The following CSMD2 variants were observed in gnomAD, a reference collection of about 807,000 sequenced individuals.
CSMD2 encodes CUB and Sushi multiple domains 2, also known as CUB and sushi domain-containing protein 2.
In CSMD2, 130 loss-of-function variants were observed where a neutral mutation model predicts 398.5. The observed-to-expected ratio is 0.33, with a 90% CI of 0.28 to 0.38. The LOEUF is 0.38. CSMD2 is among the 10% of genes least tolerant of loss of function. The pLI is 1.00. For synonymous variants in CSMD2, 1,828 were observed against 1,908.5 expected, an observed-to-expected ratio of 0.96 and a Z score of 1.10; for missense variants, 3,829 against 4,764.9, an observed-to-expected ratio of 0.80 and a Z score of 5.78.
intron 21 of CSMD2, among the ~76,000 whole-genome samples, chr1:33,712,873 T>G (rs754985318): frequency 1.3e-5 from 2 of 152,224 alleles, no homozygotes; most frequent in African/African-American, 2.4e-5. Flanking sequence ...GGGATGGTTA[T>G]AGGAGACGGA....
chr1:33,747,014 T>C (rs1404540305), intron 13 of CSMD2, among the ~76,000 whole-genome samples: 1 of 152,180 alleles, frequency 6.6e-6, no homozygotes, highest in Non-Finnish European at 1.5e-5. Context: ...GAAAAGGGTA[T>C]GAATGAGCCA....
At chr1:33,891,235 G>A (rs1251636955) in intron 5 of CSMD2, among the ~76,000 whole-genome samples, 42 of 151,018 alleles carry the variant, frequency 2.8e-4, no homozygotes, top group South Asian at 1.7e-3. Flanking sequence ...AAAAGTGGGC[G>A]AAGGACATGA....
chr1:34,037,039 C>A (rs527992670), intron 2 of CSMD2, among the ~76,000 whole-genome samples: 2 of 152,302 alleles, frequency 1.3e-5, no homozygotes, highest in South Asian at 4.1e-4. Context: ...TTGCAGAGAT[C>A]TACCTGCCTT....
chr1:33,941,680 T>C (rs1242397617), intron 3 of CSMD2, among the ~76,000 whole-genome samples: 1 of 152,176 alleles, frequency 6.6e-6, no homozygotes, highest in Admixed American at 6.5e-5. Flanking sequence ...TCCCTTATTT[T>C]TAGCGGTTTG....
chr1:33,617,013 C>T (rs374883564), intron 38 of CSMD2, 38 bp from the exon 39 acceptor site: 11 of 1,549,054 alleles, frequency 7.1e-6, no homozygotes, highest in African/African-American at 4.1e-5. Context: ...TAGCTGTCCC[C>T]GTGGGCACAA....
chr1:33,847,815 A>G (rs1390369228), intron 5 of CSMD2, among the ~76,000 whole-genome samples: 1 of 152,158 alleles, frequency 6.6e-6, no homozygotes, highest in Non-Finnish European at 1.5e-5. Context: ...TATCTAAAAC[A>G]TGGGGATCAT....
At chr1:33,989,403 T>C (rs888260656) in intron 3 of CSMD2, among the ~76,000 whole-genome samples, 9 of 152,134 alleles carry the variant, frequency 5.9e-5, no homozygotes, top group African/African-American at 1.9e-4. Context: ...ATAACTACTT[T>C]GGAAAACAGT....
chr1:33,533,195 A>T lies in CSMD2; in HGVS notation c.10026T>A (p.His3342Gln). 6.2e-7 allele frequency: 1 copy of T among 1,614,040 alleles called. No homozygotes were observed. The part of the protein sequence containing the change: ...HHCRQPETPT[H>Q]ANVGALDLPS... ...GCAAATCCAGGGCCCCGACGTTGGC[A>T]TGCGTTGGCGTCTCTGGCTGCCTGC... The change falls in exon 64 of 71, where the codon CAT becomes CAA. Residue 3342 changes from histidine (H) to glutamine (Q), a missense_variant. Around this residue, in one of 5 missense-constraint regions of CSMD2, gnomAD observed 917 missense variants for 1,199.5 expected, o/e 0.76. Coordinates refer to ENST00000373381, the MANE Select transcript of CSMD2 (RefSeq NM_001281956.2). The surrounding 1 kb of genome is among the most constrained non-coding windows in gnomAD (Gnocchi z 4.2).
At chr1:33,627,377 A>C (rs1217536053) in intron 32 of CSMD2, among the ~76,000 whole-genome samples, 2 of 152,176 alleles carry the variant, frequency 1.3e-5, no homozygotes, top group African/African-American at 4.8e-5. Context: ...TGTAGTTGCC[A>C]TTCTGGGGAA....
chr1:34,088,427 A>G (rs1658167289), intron 2 of CSMD2, among the ~76,000 whole-genome samples: 1 of 152,098 alleles, frequency 6.6e-6, no homozygotes, highest in Admixed American at 6.5e-5. Flanking sequence ...TCCCCTTGGG[A>G]GTCAGCTCAG....
intron 5 of CSMD2, among the ~76,000 whole-genome samples, chr1:33,906,675 T>C (rs1186812687): frequency 3.9e-5 from 6 of 152,038 alleles, no homozygotes; most frequent in East Asian, 1.9e-4. Flanking sequence ...ATGAGCAAAA[T>C]TGAGACAAGT....
At chr1:33,861,150 TTAAG>T (rs1003456753) in intron 5 of CSMD2, 4 of 152,172 alleles carry the variant, frequency 2.6e-5, no homozygotes, top group African/African-American at 9.7e-5. Flanking sequence ...TATATAAATA[TTAAG>T]TATGTATGTA....
intron 5 of CSMD2, among the ~76,000 whole-genome samples, chr1:33,882,822 A>ATTCTTCCTTCTTTCCTTCCC (rs1342587795): frequency 1.3e-5 from 2 of 151,952 alleles, no homozygotes; most frequent in Non-Finnish European, 2.9e-5. Context: ...TCTTCCTTCC[A>ATTCTTCCTTCTTTCCTTCCC]TTCTTCCTTC....
chr1:33,521,975 A>G (rs1319262132), intron 67 of CSMD2, among the ~76,000 whole-genome samples: 1 of 152,226 alleles, frequency 6.6e-6, no homozygotes, highest in Non-Finnish European at 1.5e-5. Context: ...TTGGAGCATT[A>G]TGGAACACAC....
At chr1:33,706,744 T>C (rs1177772179) in intron 22 of CSMD2, among the ~76,000 whole-genome samples, 7 of 152,104 alleles carry the variant, frequency 4.6e-5, no homozygotes, top group Non-Finnish European at 1.0e-4. Flanking sequence ...AGCAGGAGCA[T>C]TTCCTACCCT....
rs542263418 is a variant in CSMD2, at chr1:33,829,966, G to A, written c.1034-4192C>T. ...CAGCAAGGCGGGGGGAGGGGCGCCCGCCATTGCCCAGGCTTCAGTAGGTAA... is the reference window on the plus strand; with the variant it reads ...CAGCAAGGCGGGGGGAGGGGCGCCCACCATTGCCCAGGCTTCAGTAGGTAA... On this transcript the variant is annotated intron_variant, in intron 6 of 70. Coordinates refer to ENST00000373381, the MANE Select transcript of CSMD2 (RefSeq NM_001281956.2). Among the ~76,000 whole-genome samples the A allele has an allele frequency of 1.1e-4, 17 of 152,330 alleles. No individual in the cohort carries two copies. In the East Asian group the frequency reaches 3.1e-3, roughly 28 times the overall value.
At chr1:34,045,038 T>TACACACACACACAC (rs10588687) in intron 2 of CSMD2, among the ~76,000 whole-genome samples, 2 of 142,718 alleles carry the variant, frequency 1.4e-5, no homozygotes, top group African/African-American at 2.6e-5. Context: ...TCACACACCA[T>TACACACACACACAC]ACACACACAC....
At chr1:33,812,505 A>G (rs888247877) in intron 9 of CSMD2, among the ~76,000 whole-genome samples, 3 of 152,230 alleles carry the variant, frequency 2.0e-5, no homozygotes, top group African/African-American at 7.2e-5. Flanking sequence ...TTCTGTACTG[A>G]GAAACACTTA....
chr1:33,572,555 A>T lies in CSMD2; in HGVS notation c.7713T>A (p.Cys2571Ter). 6.2e-7 allele frequency: 1 copy of T among 1,613,998 alleles called. No homozygotes were observed. The highest frequency in any genetic ancestry group is 8.5e-7 in the Non-Finnish European group (1 of 1,179,980). The change falls in exon 50 of 71, where the codon TGT becomes TGA. Residue 2571 changes from cysteine to a stop codon, truncating the protein, a stop_gained. Transcript: ENST00000373381. LOFTEE classifies it high-confidence loss of function. Reference sequence around the variant, plus strand: ...GGTTGCTCCATAGGCCTGTGTCCAGACACTCTGCAGTGGCCTCAGCGCCTG... The same window carrying T: ...GGTTGCTCCATAGGCCTGTGTCCAGTCACTCTGCAGTGGCCTCAGCGCCTG... ...LQAGAEATAE[C>*]LDTGLWSNRN...
Sources: gnomAD v4.1 joint callset for allele counts (sites outside exome capture counted in the v4.1 genomes callset) on GRCh38, gnomAD v4.1.1 for gene constraint, gnomAD v4.1.1 regional missense constraint, Gnocchi (gnomAD v3.1) non-coding constraint, MANE v1.5 for transcripts, NCBI Gene and HGNC (gene_info 2026-07-23, HGNC 2026-07-21) for gene names.